Variants in MANSC4 observed in about 807,000 individuals in gnomAD.
MANSC4 encodes MANSC domain containing 4.
MANSC4 carries 11 observed loss-of-function variants against 11.4 expected under a neutral mutation model. The observed-to-expected ratio is 0.97, with a 90% confidence interval of 0.61 to 1.60. The LOEUF is 1.60. Ranked by LOEUF, MANSC4 falls within the 40% of genes most tolerant of loss-of-function variation. MANSC4 has a pLI of 0.00. For synonymous variants in MANSC4, 123 were observed against 147.1 expected, an observed-to-expected ratio of 0.84 and a Z score of 1.19; for missense variants, 354 against 404.6, an observed-to-expected ratio of 0.88 and a Z score of 1.07.
In MANSC4 at chr12:27,771,476, A is replaced by G. The variant is rs183368096; in HGVS notation, c.-200T>C. Among the ~76,000 whole-genome samples, 134 of 152,326 alleles carry G rather than the reference A, an allele frequency of 8.8e-4. 1 individual carries two copies. The highest frequency in any genetic ancestry group is 3.4e-3 in the Middle Eastern group (1 of 294). On this transcript the variant is annotated 5_prime_UTR_variant, in exon 2 of 4. Coordinates refer to ENST00000381273, the MANE Select transcript of MANSC4 (RefSeq NM_001146221.5). The stretch of plus-strand genomic sequence containing the variant: ...TTCTTTTCTTCCCGAGCTCCAGGTG[A>G]ACATTTGATTTGCTGGCATTCTTTC...
chr12:27,777,262 A>T (rs1225324812), intron 1 of MANSC4, among the ~76,000 whole-genome samples: 1 of 152,222 alleles, frequency 6.6e-6, no homozygotes, highest in Non-Finnish European at 1.5e-5. Context: ...AGTCTGAGGC[A>T]TATCTATGAC....
Position 27,770,694 on chromosome 12 carries a change from GAAAT to G in MANSC4, c.229+350_229+353del, listed in dbSNP as rs528622633. Among the ~76,000 whole-genome samples the G allele has an allele frequency of 3.2e-3, 483 of 152,132 alleles. 1 individual carries two copies. Among genetic ancestry groups the G allele is most frequent in the South Asian group, 6.8e-3 (33 of 4,818 alleles). On this transcript the variant is annotated intron_variant, in intron 2 of 3. Coordinates refer to ENST00000381273, the MANE Select transcript of MANSC4 (RefSeq NM_001146221.5). ...TCTCTAAAAATTTAAAATAAAATGA[GAAAT>G]AAATAAATATTTTTAAAATCATGTA...
At position 27,776,078 on chromosome 12, in the gene MANSC4, G is replaced by A. The variant is rs1165968561; in HGVS notation, c.-307+4132C>T. ...GCACTCCAGCCTGGGCAACAAGAGCGAGACTGTCTCAAAAAAAAAAAAAAA... is the reference window on the plus strand; with the variant it reads ...GCACTCCAGCCTGGGCAACAAGAGCAAGACTGTCTCAAAAAAAAAAAAAAA... On this transcript the variant is annotated intron_variant, in intron 1 of 3. Transcript: ENST00000381273. 6.9e-5 allele frequency among the ~76,000 whole-genome samples: 9 copies of A among 130,614 alleles called. 1 individual carries two copies. Among genetic ancestry groups the A allele is most frequent in the African/African-American group, 1.9e-4 (7 of 36,084 alleles). 85.7% of individuals were successfully genotyped at this position (130,614 alleles called of 152,430 possible). A position where few individuals can be genotyped will look rare whatever the true frequency, so the allele number is the denominator to read the frequency against.
intron 1 of MANSC4, among the ~76,000 whole-genome samples, chr12:27,775,340 G>A (rs539399004): frequency 6.6e-6 from 1 of 152,092 alleles, no homozygotes; most frequent in African/African-American, 2.4e-5. Flanking sequence ...ACTTTCTAAG[G>A]TCGAAGAGGG....
intron 2 of MANSC4, 45 bp from the exon 3 acceptor site, chr12:27,766,844 T>G: frequency 6.5e-7 from 1 of 1,539,000 alleles, no homozygotes. Flanking sequence ...GGTCTCAATT[T>G]GCACCAATTT....
intron 1 of MANSC4, among the ~76,000 whole-genome samples, chr12:27,772,662 TG>T (rs2062105432): frequency 6.6e-6 from 1 of 152,232 alleles, no homozygotes; most frequent in East Asian, 1.9e-4. Flanking sequence ...TTCATTCTAT[TG>T]AACTTCTTAC....
intron 2 of MANSC4, among the ~76,000 whole-genome samples, chr12:27,768,744 A>G (rs12368838): frequency 0.17 from 24,842 of 149,286 alleles, 2,534 homozygotes; most frequent in Non-Finnish European, 0.23. Context: ...CTCCTGCCTT[A>G]CTTAGCCTCC....
intron 2 of MANSC4, 48 bp downstream of exon 2, chr12:27,771,000 C>T (rs750853365): frequency 7.0e-7 from 1 of 1,436,206 alleles, no homozygotes; most frequent in African/African-American, 1.4e-5. Flanking sequence ...GGGCTTCATC[C>T]TTGGAAGTTT....
At chr12:27,770,303 C>T (rs2062094987) in intron 2 of MANSC4, among the ~76,000 whole-genome samples, 1 of 152,090 alleles carries the variant, frequency 6.6e-6, no homozygotes, top group African/African-American at 2.4e-5. Flanking sequence ...AACTCAGCCC[C>T]CCGCGTAGCT....
intron 3 of MANSC4, among the ~76,000 whole-genome samples, 160 bp from the exon 4 acceptor site, chr12:27,763,556 A>G (rs947269879): frequency 4.6e-5 from 7 of 151,946 alleles, no homozygotes; most frequent in Non-Finnish European, 7.4e-5. Context: ...TTCCAAACAT[A>G]CTGGCTACAT....
intron 1 of MANSC4, among the ~76,000 whole-genome samples, chr12:27,779,208 G>C (rs747125904): frequency 1.3e-5 from 2 of 152,104 alleles, no homozygotes; most frequent in South Asian, 2.1e-4. Context: ...TCAGATGATG[G>C]GGGCAGGGTA....
chr12:27,779,119 G>A (rs966293085), intron 1 of MANSC4, among the ~76,000 whole-genome samples: 2 of 152,146 alleles, frequency 1.3e-5, no homozygotes, highest in African/African-American at 4.8e-5. Context: ...TGCCCACCTG[G>A]GCTTCCCAAA....
chr12:27,774,177 A>G (rs1310260160), intron 1 of MANSC4, among the ~76,000 whole-genome samples: 2 of 152,080 alleles, frequency 1.3e-5, no homozygotes, highest in Admixed American at 6.5e-5. Flanking sequence ...ACAAAAAAAA[A>G]ACCCCAGAAA....
At chr12:27,768,402 C>CAAAAAAAAAAAAA (rs201953091) in intron 2 of MANSC4, among the ~76,000 whole-genome samples, 35 of 109,642 alleles carry the variant, frequency 3.2e-4, no homozygotes, top group Non-Finnish European at 4.2e-4. Context: ...GACTCTGTCT[C>CAAAAAAAAAAAAA]AAAAAAAAAA....
At position 27,771,077 on chromosome 12, in the gene MANSC4, C is replaced by G; in HGVS notation, c.200G>C (p.Cys67Ser). The G allele has an allele frequency of 6.4e-7, 1 of 1,551,644 alleles. No homozygotes were observed. Among genetic ancestry groups the G allele is most frequent in the Non-Finnish European group, 8.7e-7 (1 of 1,146,962 alleles). ...KYYSESTGQK[C>S]SRSCCLRKDV... is the part of the protein sequence containing the mutation. ...CTTCCGAAGACAGCAGCTCCTACTG[C>G]ACTTCTGGCCAGTGCTTTCAGAATA... Residue 67 changes from cysteine (C) to serine (S), a missense_variant, in exon 2 of 4, where the codon TGC becomes TCC. By Grantham distance (112) the Cys-to-Ser change is moderately radical (BLOSUM62 -1). Coordinates refer to ENST00000381273, the MANE Select transcript of MANSC4 (RefSeq NM_001146221.5).
At chr12:27,772,435 G>A (rs1402812310) in intron 1 of MANSC4, among the ~76,000 whole-genome samples, 2 of 152,078 alleles carry the variant, frequency 1.3e-5, no homozygotes, top group Non-Finnish European at 2.9e-5. Context: ...TTCTTTGAAC[G>A]TTCATCTCTT....
intron 2 of MANSC4, among the ~76,000 whole-genome samples, chr12:27,769,073 T>C (rs1035236318): frequency 6.6e-6 from 1 of 152,186 alleles, no homozygotes; most frequent in Non-Finnish European, 1.5e-5. Context: ...ATCTCCATCA[T>C]TACTTCTAGG....
At chr12:27,773,609 G>A (rs1256223065) in intron 1 of MANSC4, among the ~76,000 whole-genome samples, 1 of 152,240 alleles carries the variant, frequency 6.6e-6, no homozygotes, top group African/African-American at 2.4e-5. Flanking sequence ...AGTCACGACA[G>A]CCTGATTCAG....
chr12:27,763,724 T>C (rs1565475738), intron 3 of MANSC4, among the ~76,000 whole-genome samples: 1 of 151,898 alleles, frequency 6.6e-6, no homozygotes, highest in South Asian at 2.1e-4. Context: ...CAATATAGCG[T>C]TTATTATTTA....
Sources: gnomAD v4.1 joint callset for allele counts (sites outside exome capture counted in the v4.1 genomes callset) on GRCh38, gnomAD v4.1.1 for gene constraint, MANE v1.5 for transcripts, NCBI Gene and HGNC (gene_info 2026-07-23, HGNC 2026-07-21) for gene names.